Variants in BDH1 observed in about 807,000 individuals in gnomAD.
BDH1 encodes the protein 3-hydroxybutyrate dehydrogenase 1.
In BDH1, 30 loss-of-function variants were observed where a neutral mutation model predicts 33.1. The ratio of observed to expected loss-of-function variants is 0.91; its 90% CI spans 0.68 to 1.23. BDH1 has a LOEUF of 1.23. Ranked by LOEUF, BDH1 falls within the 50% of genes most tolerant of loss-of-function variation. The pLI is 0.00. For synonymous variants in BDH1, 190 were observed against 183.6 expected, an observed-to-expected ratio of 1.03 and a Z score of -0.28; for missense variants, 443 against 464.4, an observed-to-expected ratio of 0.95 and a Z score of 0.42.
Position 197,543,934 on chromosome 3 carries a change from T to G in BDH1, c.83+2427A>C, listed in dbSNP as rs117791691. Among the ~76,000 whole-genome samples, 227 of 152,150 alleles carry G rather than the reference T, an allele frequency of 1.5e-3. 5 individuals are homozygous for G. The East Asian group carries it at 0.017, about 12-fold the overall frequency. ...GAGTGGCATTAACAGGAGAAAAGATTTCTCCTCAATAAGGAGATGTCCAAA... is the reference window on the plus strand; with the variant it reads ...GAGTGGCATTAACAGGAGAAAAGATGTCTCCTCAATAAGGAGATGTCCAAA... On this transcript the variant is annotated intron_variant, in intron 3 of 7. Coordinates refer to ENST00000392379, the MANE Select transcript of BDH1 (RefSeq NM_203314.3).
At position 197,511,811 on chromosome 3, in the gene BDH1, G is replaced by A; in HGVS notation, c.*84C>T. Reference sequence around the variant, plus strand: ...CTGGCATGGTGGATAATCCACACGTGGATAATCAAGAGTTGACTATATGGG... The same window carrying A: ...CTGGCATGGTGGATAATCCACACGTAGATAATCAAGAGTTGACTATATGGG... On this transcript the variant is annotated 3_prime_UTR_variant, in exon 8 of 8. Transcript: ENST00000392379. The A allele has an allele frequency of 1.5e-6, 2 of 1,299,296 alleles. No homozygotes were observed. The highest frequency in any genetic ancestry group is 1.4e-5 in the South Asian group (1 of 69,844). The allele number at this position is 1,299,296 out of a possible 1,614,324, so 80.5% of individuals were successfully genotyped here.
intron 1 of BDH1, among the ~76,000 whole-genome samples, chr3:197,572,314 G>T (rs757214927): frequency 3.3e-5 from 5 of 152,106 alleles, no homozygotes; most frequent in Non-Finnish European, 7.4e-5. Flanking sequence ...ATTTACGAAG[G>T]CTCCAAAGGA....
intron 2 of BDH1, among the ~76,000 whole-genome samples, chr3:197,552,703 C>T (rs1429112864): frequency 6.6e-6 from 1 of 152,184 alleles, no homozygotes; most frequent in Admixed American, 6.5e-5. Context: ...CCCACCCCAA[C>T]CCTGACTATC....
rs1397157675 is a variant in BDH1 at position 197,510,600 on chromosome 3, GTGTGTGTGTGTGT to G, written c.*1282_*1294del. ...CACGCTGAAGCCCTGCAGAACAGGG[GTGTGTGTGTGTGT>G]GTGTGTGTGTGTGTGTGTGTGTGTG... On this transcript the variant is annotated 3_prime_UTR_variant, in exon 8 of 8. Coordinates refer to ENST00000392379, the MANE Select transcript of BDH1 (RefSeq NM_203314.3). 3.3e-4 allele frequency: 6 copies of G among 18,040 alleles called. No homozygotes were observed. The highest frequency in any genetic ancestry group is 2.1e-3 in the Admixed American group (5 of 2,400). The allele number at this position is 18,040 out of a possible 1,614,324, so 1.1% of individuals were successfully genotyped here.
chr3:197,538,505 C>T (rs1010837413), intron 3 of BDH1: 6 of 381,412 alleles, frequency 1.6e-5, no homozygotes, highest in East Asian at 1.5e-4. Flanking sequence ...GCTTGCATCA[C>T]CACACCTGGC....
rs371927738 is a variant in BDH1, at chr3:197,512,270, C to G, written c.657G>C (p.Ser219=). ...GGTACATCTCATAGCGCAGGCAGTC[C>G]GAGAAAGCCTCTACCCCGAACTTGG... is the stretch of plus-strand genomic sequence containing the variant. ...CITKFGVEAF[S]DCLRYEMYPL... is the part of the protein sequence containing the mutation. Residue 219 remains serine (S), a synonymous_variant, in exon 8 of 8, where the codon TCG becomes TCC. Transcript: ENST00000392379. 8.1e-6 allele frequency: 13 copies of G among 1,612,952 alleles called. No homozygotes were observed. The highest frequency in any genetic ancestry group is 1.1e-5 in the Non-Finnish European group (13 of 1,180,030).
chr3:197,542,986 G>A lies in BDH1; in HGVS notation c.83+3375C>T, dbSNP rs1427841363. 7.1e-6 allele frequency: 7 copies of A among 985,256 alleles called. No individual in the cohort carries two copies. The South Asian group carries it at 2.3e-4, about 33-fold the overall frequency. The allele number at this position is 985,256 out of a possible 1,614,324, so 61.0% of individuals were successfully genotyped here. ...TGTGGAAGAGCCTGCTGTCCTCAGC[G>A]CCCTGGTCATCCCGGCCGCATTTGA... is the stretch of plus-strand genomic sequence containing the variant. On this transcript the variant is annotated intron_variant, in intron 3 of 7. Coordinates refer to ENST00000392379, the MANE Select transcript of BDH1 (RefSeq NM_203314.3).
chr3:197,512,511 C>A (rs892324900), intron 7 of BDH1, 147 bp from the exon 8 acceptor site: 4 of 839,368 alleles, frequency 4.8e-6, no homozygotes, highest in Admixed American at 2.9e-5. Flanking sequence ...CCAGCTCAGG[C>A]CCACGCATCA....
chr3:197,519,568 A>G (rs1305831795), intron 6 of BDH1, among the ~76,000 whole-genome samples: 3 of 151,684 alleles, frequency 2.0e-5, no homozygotes, highest in Non-Finnish European at 4.4e-5. Context: ...GGAGGCTGAG[A>G]CAGGAGAATC....
chr3:197,545,518 G>T (rs891279251), intron 3 of BDH1, among the ~76,000 whole-genome samples: 1 of 152,214 alleles, frequency 6.6e-6, no homozygotes, highest in Non-Finnish European at 1.5e-5. Flanking sequence ...AGAGTGTCAA[G>T]GTCGTGAGCG....
intron 3 of BDH1, chr3:197,542,988 C>T (rs1188215417): frequency 1.0e-6 from 1 of 985,310 alleles, no homozygotes; most frequent in Non-Finnish European, 1.2e-6. Context: ...TCCTCAGCGC[C>T]CTGGTCATCC....
chr3:197,511,788 G>T lies in BDH1; in HGVS notation c.*107C>A. On this transcript the variant is annotated 3_prime_UTR_variant, in exon 8 of 8. Coordinates refer to ENST00000392379, the MANE Select transcript of BDH1 (RefSeq NM_203314.3). ...GTTAAAACCAGTTATGGGTCTTCCTGGCATGGTGGATAATCCACACGTGGA... is the reference window on the plus strand; with the variant it reads ...GTTAAAACCAGTTATGGGTCTTCCTTGCATGGTGGATAATCCACACGTGGA... 1.8e-6 allele frequency: 2 copies of T among 1,125,364 alleles called. No homozygotes were observed. Among genetic ancestry groups the T allele is most frequent in the South Asian group, 1.6e-5 (1 of 63,120 alleles). 69.7% of individuals were successfully genotyped at this position (1,125,364 alleles called of 1,614,324 possible).
Position 197,512,078 on chromosome 3 carries a change from C to T in BDH1, c.849G>A (p.Lys283=), listed in dbSNP as rs1453046955. 3 of 1,614,074 alleles carry T rather than the reference C, an allele frequency of 1.9e-6. No homozygotes were observed. Among genetic ancestry groups the T allele is most frequent in the Admixed American group, 1.7e-5 (1 of 60,008 alleles). Residue 283 remains lysine, a synonymous_variant, in exon 8 of 8, where the codon AAG becomes AAA. Transcript: ENST00000392379. ...GKKYFDEKIA[K]METYCSSGST... is the part of the protein sequence containing the mutation. Reference sequence around the variant, plus strand: ...AGCCACTGCTGCAGTAGGTCTCCATCTTGGCGATCTTTTCATCAAAGTACT... The same window carrying T: ...AGCCACTGCTGCAGTAGGTCTCCATTTTGGCGATCTTTTCATCAAAGTACT...
chr3:197,562,989 CT>C (rs1717316416), intron 1 of BDH1, among the ~76,000 whole-genome samples: 1 of 152,114 alleles, frequency 6.6e-6, no homozygotes, highest in Non-Finnish European at 1.5e-5. Flanking sequence ...TGCTTTAAGT[CT>C]GCTGTTATTT....
At chr3:197,546,814 TG>T (rs1000848147) in intron 2 of BDH1, among the ~76,000 whole-genome samples, 6 of 152,178 alleles carry the variant, frequency 3.9e-5, no homozygotes, top group Non-Finnish European at 7.3e-5. Context: ...CGCCAACCAC[TG>T]GGAGACTCGG....
intron 1 of BDH1, among the ~76,000 whole-genome samples, chr3:197,566,735 C>T (rs9852958): frequency 0.055 from 8,309 of 152,210 alleles, 291 homozygotes; most frequent in African/African-American, 0.083. Context: ...TCTTGCCTAA[C>T]GTTTCTTGAT....
upstream of BDH1, among the ~76,000 whole-genome samples, chr3:197,556,971 G>A (rs993930541): frequency 2.0e-5 from 3 of 152,218 alleles, no homozygotes; most frequent in Admixed American, 2.0e-4. Flanking sequence ...ACGGCTTAGG[G>A]CCAACCTGCC....
chr3:197,570,879 G>A (rs113266531), intron 1 of BDH1, among the ~76,000 whole-genome samples: 15 of 152,314 alleles, frequency 9.8e-5, no homozygotes, highest in South Asian at 2.1e-4. Context: ...GAGGGCCACC[G>A]TCCTCCAGCC....
chr3:197,571,277 C>G (rs1224930687), intron 1 of BDH1, among the ~76,000 whole-genome samples: 2 of 152,100 alleles, frequency 1.3e-5, no homozygotes, highest in East Asian at 3.8e-4. Context: ...TCGGGTAAGA[C>G]TTTGGACTGT....
Sources: gnomAD v4.1 joint callset for allele counts (sites outside exome capture counted in the v4.1 genomes callset) on GRCh38, gnomAD v4.1.1 for gene constraint, MANE v1.5 for transcripts, NCBI Gene and HGNC (gene_info 2026-07-23, HGNC 2026-07-21) for gene names.